Variants in ZC3H10 observed in about 807,000 individuals in gnomAD.
ZC3H10 encodes zinc finger CCCH domain-containing protein 10.
A neutral mutation model predicts 24.3 loss-of-function variants in ZC3H10; 12 were observed. That is an observed-to-expected ratio of 0.49 (90% CI 0.32 to 0.80). The LOEUF is 0.80. ZC3H10 is among the 30% of genes least tolerant of loss of function. The pLI, the probability that ZC3H10 is intolerant of heterozygous loss-of-function variation, is 0.04. For synonymous variants in ZC3H10, 226 were observed against 217.0 expected (o/e 1.04, Z -0.36); for missense variants, 360 against 576.3 (o/e 0.62, Z 3.84).
chr12:56,123,390 C>T lies in ZC3H10; in HGVS notation c.*1523C>T, dbSNP rs1869903754. On this transcript the variant is annotated 3_prime_UTR_variant, in exon 3 of 3. Transcript: ENST00000257940. ...CTAACATTGTGGATTTTAGAAACAA[C>T]ACATTGATAAGCTTAATGTTTTTTG... is the stretch of plus-strand genomic sequence containing the variant. The T allele has an allele frequency of 6.7e-6, 1 of 149,960 alleles. No individual in the cohort carries two copies. The highest frequency in any genetic ancestry group is 2.5e-5 in the African/African-American group (1 of 40,810). 9.3% of individuals were successfully genotyped at this position (149,960 alleles called of 1,614,324 possible).
At chr12:56,119,666 T>C (rs888443322) in intron 2 of ZC3H10, 1 of 152,010 alleles carries the variant, frequency 6.6e-6, no homozygotes, top group Non-Finnish European at 1.5e-5. Context: ...AAAGCTCTCT[T>C]GGGAAATAGG....
chr12:56,121,993 A>C lies in ZC3H10; in HGVS notation c.*126A>C. On this transcript the variant is annotated 3_prime_UTR_variant, in exon 3 of 3. Transcript: ENST00000257940. The surrounding 1 kb of genome is among the most constrained non-coding windows in gnomAD (Gnocchi z 6.2). ...CTTGAGAACTAGGACAAGAGACTAC[A>C]AGGAGTATGTCCTGAGGAGGGGTTG... 1 of 1,180,848 alleles carries C rather than the reference A, an allele frequency of 8.5e-7. No homozygotes were observed. The highest frequency in any genetic ancestry group is 1.2e-6 in the Non-Finnish European group (1 of 851,424). 73.1% of individuals were successfully genotyped at this position (1,180,848 alleles called of 1,614,324 possible). A position where few individuals can be genotyped will look rare whatever the true frequency, so the allele number is the denominator to read the frequency against.
rs376430138 is a variant in ZC3H10, at chr12:56,121,844, C to T, written c.1282C>T (p.Arg428Cys). Residue 428 changes from arginine (R) to cysteine (C), a missense_variant, in exon 3 of 3, where the codon CGC becomes TGC. Physicochemically the swap from Arg to Cys is radical, Grantham distance 180 (BLOSUM62 -3). Coordinates refer to ENST00000257940, the MANE Select transcript of ZC3H10 (RefSeq NM_032786.3). The surrounding 1 kb of genome is among the most constrained non-coding windows in gnomAD (Gnocchi z 6.2). ...TTACCCTATCGCTTCCCAGAGCATG[C>T]GCATCACGGCCATGCCACACTGATG... Reference protein sequence around the residue: ...VTYPIASQSMRITAMPH With the variant: ...VTYPIASQSMCITAMPH 2.5e-6 allele frequency: 4 copies of T among 1,611,308 alleles called. No homozygotes were observed. Among genetic ancestry groups the T allele is most frequent in the African/African-American group, 1.3e-5 (1 of 74,904 alleles).
Position 56,121,105 on chromosome 12 carries a change from C to T in ZC3H10, c.543C>T (p.Val181=). Residue 181 remains valine (V), a synonymous_variant, in exon 3 of 3, where the codon GTC becomes GTT. Coordinates refer to ENST00000257940, the MANE Select transcript of ZC3H10 (RefSeq NM_032786.3). The surrounding 1 kb of genome is among the most constrained non-coding windows in gnomAD (Gnocchi z 6.2). ...CTGGTGGGGGCTCAACAGGCTCAGTCCTCCCAGGACGACGTCATGATCTCT... is the reference window on the plus strand; with the variant it reads ...CTGGTGGGGGCTCAACAGGCTCAGTTCTCCCAGGACGACGTCATGATCTCT... ...GGTGGGSTGS[V]LPGRRHDLYD... is the part of the protein sequence containing the mutation. The T allele has an allele frequency of 6.2e-7, 1 of 1,614,176 alleles. No individual in the cohort carries two copies. Among genetic ancestry groups the T allele is most frequent in the Non-Finnish European group, 8.5e-7 (1 of 1,180,030 alleles).
At chr12:56,118,843 G>A (rs1269508284) in intron 1 of ZC3H10, 1 of 152,108 alleles carries the variant, frequency 6.6e-6, no homozygotes, top group African/African-American at 2.4e-5. Flanking sequence ...CTTGAGGCAG[G>A]GCGCCCCGCA....
rs141972777 is a variant in ZC3H10, at chr12:56,121,411, C to A, written c.849C>A (p.Thr283=). 1 of 1,613,052 alleles carries A rather than the reference C, an allele frequency of 6.2e-7. No individual in the cohort carries two copies. The highest frequency in any genetic ancestry group is 8.5e-7 in the Non-Finnish European group (1 of 1,179,218). ...AQFRNQAKVI[T]LSSTAPATEQ... is the part of the protein sequence containing the mutation. ...TCCGCAATCAGGCCAAGGTCATAAC[C>A]CTGAGCTCCACTGCACCAGCGACTG... The change falls in exon 3 of 3, where the codon ACC becomes ACA. Residue 283 remains threonine, a synonymous_variant. Coordinates refer to ENST00000257940, the MANE Select transcript of ZC3H10 (RefSeq NM_032786.3). The surrounding 1 kb of genome is among the most constrained non-coding windows in gnomAD (Gnocchi z 6.2).
Position 56,122,336 on chromosome 12 carries a change from T to G in ZC3H10, c.*469T>G, listed in dbSNP as rs1869873130. ...ACAATTTGGGTCCTAGTTGCTTGGG[T>G]TGGACAATACAGGAATTGCTTCTGG... On this transcript the variant is annotated 3_prime_UTR_variant, in exon 3 of 3. Transcript: ENST00000257940. The G allele has an allele frequency of 5.8e-6, 1 of 172,362 alleles. No homozygotes were observed. Among genetic ancestry groups the G allele is most frequent in the African/African-American group, 2.4e-5 (1 of 41,530 alleles). The allele number at this position is 172,362 out of a possible 1,614,324, so 10.7% of individuals were successfully genotyped here. A position where few individuals can be genotyped will look rare whatever the true frequency, so the allele number is the denominator to read the frequency against.
At chr12:56,120,484 G>A in intron 2 of ZC3H10, 27 bp from the exon 3 acceptor site, 1 of 1,445,668 alleles carries the variant, frequency 6.9e-7, no homozygotes, top group Non-Finnish European at 9.1e-7. Context: ...GAGGACTCCT[G>A]TTTGATACAG....
intron 2 of ZC3H10, chr12:56,120,146 C>T (rs1869766067): frequency 1.1e-6 from 1 of 942,818 alleles, no homozygotes; most frequent in South Asian, 4.7e-5. Context: ...AGTAGCCCAT[C>T]TTGGGCACTA....
At position 56,126,598 on chromosome 12, in the gene ZC3H10, T is replaced by G. The variant is rs1870001225; in HGVS notation, c.*4731T>G. The G allele has an allele frequency of 6.6e-6, 1 of 152,200 alleles. No individual in the cohort carries two copies. The highest frequency in any genetic ancestry group is 1.9e-4 in the East Asian group (1 of 5,198). The allele number at this position is 152,200 out of a possible 1,614,324, so 9.4% of individuals were successfully genotyped here. A position where few individuals can be genotyped will look rare whatever the true frequency, so the allele number is the denominator to read the frequency against. Reference sequence around the variant, plus strand: ...CATTCTCAGGAACCTCCTTGCCTACTCCAGTGCTTGGCAAATTTCAGTTTA... The same window carrying G: ...CATTCTCAGGAACCTCCTTGCCTACGCCAGTGCTTGGCAAATTTCAGTTTA... On this transcript the variant is annotated 3_prime_UTR_variant, in exon 3 of 3. Coordinates refer to ENST00000257940, the MANE Select transcript of ZC3H10 (RefSeq NM_032786.3).
chr12:56,126,445 G>A lies in ZC3H10; in HGVS notation c.*4578G>A, dbSNP rs1869996204. 1 of 152,152 alleles carries A rather than the reference G, an allele frequency of 6.6e-6. No homozygotes were observed. The highest frequency in any genetic ancestry group is 1.5e-5 in the Non-Finnish European group (1 of 68,034). The allele number at this position is 152,152 out of a possible 1,614,324, so 9.4% of individuals were successfully genotyped here. A position where few individuals can be genotyped will look rare whatever the true frequency, so the allele number is the denominator to read the frequency against. ...CAGCTGCTGATCCTGTGGCTCCTGG[G>A]CCCCAGCTGGGACAAGAACTTCCTG... On this transcript the variant is annotated 3_prime_UTR_variant, in exon 3 of 3. Transcript: ENST00000257940.
chr12:56,121,929 C>T lies in ZC3H10; in HGVS notation c.*62C>T, dbSNP rs1165491333. On this transcript the variant is annotated 3_prime_UTR_variant, in exon 3 of 3. Coordinates refer to ENST00000257940, the MANE Select transcript of ZC3H10 (RefSeq NM_032786.3). The surrounding 1 kb of genome is among the most constrained non-coding windows in gnomAD (Gnocchi z 6.2). Reference sequence around the variant, plus strand: ...GGGCTGGGGTCAGGGGGCCCTTGCCCACTCACCTAGCCTTCCCCATCCCTG... The same window carrying T: ...GGGCTGGGGTCAGGGGGCCCTTGCCTACTCACCTAGCCTTCCCCATCCCTG... 4.7e-6 allele frequency: 7 copies of T among 1,502,578 alleles called. No homozygotes were observed. In the Admixed American group the frequency reaches 1.5e-4, roughly 32 times the overall value. The allele number at this position is 1,502,578 out of a possible 1,614,324, so 93.1% of individuals were successfully genotyped here. A position where few individuals can be genotyped will look rare whatever the true frequency, so the allele number is the denominator to read the frequency against.
chr12:56,122,028 G>A lies in ZC3H10; in HGVS notation c.*161G>A. Reference sequence around the variant, plus strand: ...TCCTGAGGAGGGGTTGGGATGGTGTGTTTTCTCTCACCTCCCTTTTATGAG... The same window carrying A: ...TCCTGAGGAGGGGTTGGGATGGTGTATTTTCTCTCACCTCCCTTTTATGAG... On this transcript the variant is annotated 3_prime_UTR_variant, in exon 3 of 3. Coordinates refer to ENST00000257940, the MANE Select transcript of ZC3H10 (RefSeq NM_032786.3). 1.1e-6 allele frequency: 1 copy of A among 875,518 alleles called. No individual in the cohort carries two copies. The highest frequency in any genetic ancestry group is 2.8e-5 in the East Asian group (1 of 36,202). 54.2% of individuals were successfully genotyped at this position (875,518 alleles called of 1,614,324 possible). A position where few individuals can be genotyped will look rare whatever the true frequency, so the allele number is the denominator to read the frequency against.
Position 56,121,402 on chromosome 12 carries a change from G to A in ZC3H10, c.840G>A (p.Lys280=), listed in dbSNP as rs1869823447. ...ATGCTCAGTTCCGCAATCAGGCCAA[G>A]GTCATAACCCTGAGCTCCACTGCAC... ...EQNAQFRNQA[K]VITLSSTAPA... is the part of the protein sequence containing the mutation. Residue 280 remains lysine (K), a synonymous_variant, in exon 3 of 3, where the codon AAG becomes AAA. Transcript: ENST00000257940. This position sits in a 1 kb window ranked among gnomAD's most constrained non-coding sequence, Gnocchi z 6.2. 26 of 1,613,986 alleles carry A rather than the reference G, an allele frequency of 1.6e-5. No individual in the cohort carries two copies. The highest frequency in any genetic ancestry group is 2.2e-5 in the Non-Finnish European group (26 of 1,179,922).
Position 56,121,845 on chromosome 12 carries a change from G to A in ZC3H10, c.1283G>A (p.Arg428His), listed in dbSNP as rs749310258. 1.9e-5 allele frequency: 30 copies of A among 1,611,752 alleles called. No homozygotes were observed. The highest frequency in any genetic ancestry group is 1.7e-4 in the Middle Eastern group (1 of 6,048). The change falls in exon 3 of 3, where the codon CGC becomes CAC. Residue 428 changes from arginine (R) to histidine (H), a missense_variant. Transcript: ENST00000257940. The surrounding 1 kb of genome is among the most constrained non-coding windows in gnomAD (Gnocchi z 6.2). Reference protein sequence around the residue: ...VTYPIASQSMRITAMPH With the variant: ...VTYPIASQSMHITAMPH Reference sequence around the variant, plus strand: ...TACCCTATCGCTTCCCAGAGCATGCGCATCACGGCCATGCCACACTGATGG... The same window carrying A: ...TACCCTATCGCTTCCCAGAGCATGCACATCACGGCCATGCCACACTGATGG...
chr12:56,121,599 C>T lies in ZC3H10; in HGVS notation c.1037C>T (p.Ala346Val). ...GAPAAPPTNA[A>V]PPAAPPPPPP... is the part of the protein sequence containing the mutation. ...CCAGCTGCTCCCCCAACTAATGCTG[C>T]ACCTCCTGCTGCTCCACCACCCCCA... Residue 346 changes from alanine (A) to valine (V), a missense_variant, in exon 3 of 3, where the codon GCA becomes GTA. Coordinates refer to ENST00000257940, the MANE Select transcript of ZC3H10 (RefSeq NM_032786.3). The surrounding 1 kb of genome is among the most constrained non-coding windows in gnomAD (Gnocchi z 6.2). The T allele has an allele frequency of 6.2e-7, 1 of 1,613,554 alleles. No homozygotes were observed.
At chr12:56,119,172 G>A (rs1869733240) in intron 2 of ZC3H10, 21 bp downstream of exon 2, 1 of 152,754 alleles carries the variant, frequency 6.5e-6, no homozygotes, top group Non-Finnish European at 1.5e-5. Flanking sequence ...TGGGAGAGTG[G>A]GGTGGGGAGG....
chr12:56,122,002 G>A lies in ZC3H10; in HGVS notation c.*135G>A. ...TAGGACAAGAGACTACAAGGAGTATGTCCTGAGGAGGGGTTGGGATGGTGT... is the reference window on the plus strand; with the variant it reads ...TAGGACAAGAGACTACAAGGAGTATATCCTGAGGAGGGGTTGGGATGGTGT... On this transcript the variant is annotated 3_prime_UTR_variant, in exon 3 of 3. Transcript: ENST00000257940. The A allele has an allele frequency of 2.7e-6, 3 of 1,113,018 alleles. No homozygotes were observed. Among genetic ancestry groups the A allele is most frequent in the Non-Finnish European group, 3.8e-6 (3 of 792,370 alleles). The allele number at this position is 1,113,018 out of a possible 1,614,324, so 68.9% of individuals were successfully genotyped here. A position where few individuals can be genotyped will look rare whatever the true frequency, so the allele number is the denominator to read the frequency against.
In ZC3H10 at chr12:56,121,593, ATGCTGCACCTCC is replaced by A. The variant is rs748016814; in HGVS notation, c.1038_1049del (p.Ala349_Pro352del). The A allele has an allele frequency of 6.2e-7, 1 of 1,613,464 alleles. No homozygotes were observed. The highest frequency in any genetic ancestry group is 8.5e-7 in the Non-Finnish European group (1 of 1,179,720). On this transcript the variant is annotated inframe_deletion, in exon 3 of 3. Coordinates refer to ENST00000257940, the MANE Select transcript of ZC3H10 (RefSeq NM_032786.3). This position sits in a 1 kb window ranked among gnomAD's most constrained non-coding sequence, Gnocchi z 6.2. Reference sequence around the variant, plus strand: ...GGAGCTCCAGCTGCTCCCCCAACTAATGCTGCACCTCCTGCTGCTCCACCACCCCCACCCCCA... The same window carrying A: ...GGAGCTCCAGCTGCTCCCCCAACTAATGCTGCTCCACCACCCCCACCCCCA...
Sources: allele counts gnomAD v4.1 joint callset, GRCh38; gene constraint gnomAD v4.1.1; non-coding constraint Gnocchi (gnomAD v3.1); transcripts MANE v1.5; gene names NCBI Gene and HGNC (gene_info 2026-07-23, HGNC 2026-07-21).